The following FANCC variants were observed in gnomAD, a reference collection of about 807,000 sequenced individuals.
The protein encoded by FANCC is FA complementation group C.
A neutral mutation model predicts 71.3 loss-of-function variants in FANCC; 55 were observed. The ratio of observed to expected loss-of-function variants is 0.77; its 90% CI spans 0.62 to 0.97. The LOEUF is 0.97. FANCC is among the 50% of genes least tolerant of loss of function. The probability of loss-of-function intolerance (pLI) is 0.00; values close to 1 mark genes in which losing one functional copy is unlikely to be tolerated. For synonymous variants in FANCC, 275 were observed against 244.9 expected (o/e 1.12, Z -1.15); for missense variants, 678 against 670.9 (o/e 1.01, Z -0.12).
Position 95,137,982 on chromosome 9 carries a change from C to T in FANCC, c.687-2480G>A, listed in dbSNP as rs568704453. ...CGGTAACGGGAGTGATCCCAGGCGG[C>T]GGCCCAGAGGTGGGGCCTAGTGTGC... On this transcript the variant is annotated intron_variant, in intron 7 of 14. Transcript: ENST00000289081. 3.0e-4 allele frequency among the ~76,000 whole-genome samples: 45 copies of T among 152,356 alleles called. 1 individual carries two copies. In the East Asian group the frequency reaches 4.1e-3, roughly 14 times the overall value.
intron 1 of FANCC, among the ~76,000 whole-genome samples, chr9:95,302,805 A>G (rs995365207): frequency 2.6e-5 from 4 of 152,228 alleles, no homozygotes; most frequent in African/African-American, 9.6e-5. Context: ...GGGGTAAAAA[A>G]CAGCTCTTCT....
intron 6 of FANCC, among the ~76,000 whole-genome samples, chr9:95,156,500 A>C (rs1830467868): frequency 6.6e-6 from 1 of 151,812 alleles, no homozygotes; most frequent in East Asian, 1.9e-4. Flanking sequence ...GAGCCCTTAT[A>C]TATAGTTTTT....
At chr9:95,108,829 C>T (rs1441712426) in intron 13 of FANCC, among the ~76,000 whole-genome samples, 2 of 152,004 alleles carry the variant, frequency 1.3e-5, no homozygotes, top group Non-Finnish European at 2.9e-5. Context: ...CACATAATGC[C>T]TTGTATCTTT....
chr9:95,156,783 G>T (rs759700594), intron 6 of FANCC, among the ~76,000 whole-genome samples: 1 of 152,114 alleles, frequency 6.6e-6, no homozygotes, highest in African/African-American at 2.4e-5. Flanking sequence ...CTGACACCAT[G>T]ATAACCTTTG....
At chr9:95,250,637 T>A (rs977489110) in intron 1 of FANCC, among the ~76,000 whole-genome samples, 3 of 152,248 alleles carry the variant, frequency 2.0e-5, no homozygotes, top group Non-Finnish European at 4.4e-5. Context: ...AAAATCTAGA[T>A]AATGTCCATG....
At chr9:95,275,069 T>C (rs1370314254) in intron 1 of FANCC, among the ~76,000 whole-genome samples, 4 of 145,192 alleles carry the variant, frequency 2.8e-5, no homozygotes, top group Non-Finnish European at 6.0e-5. Flanking sequence ...CCCAGGAGTT[T>C]GACACCAGCC....
intron 7 of FANCC, among the ~76,000 whole-genome samples, chr9:95,142,270 G>C (rs1828873163): frequency 6.6e-6 from 1 of 152,042 alleles, no homozygotes; most frequent in Admixed American, 6.6e-5. Flanking sequence ...TGGGATTACA[G>C]GTGTGAGCCA....
At chr9:95,114,907 A>G (rs1447632912) in intron 11 of FANCC, among the ~76,000 whole-genome samples, 197 bp from the exon 12 acceptor site, 1 of 152,134 alleles carries the variant, frequency 6.6e-6, no homozygotes, top group Non-Finnish European at 1.5e-5. Context: ...TCCATGTCAC[A>G]CAGAGTTGAA....
chr9:95,229,283 G>T (rs920067696), intron 4 of FANCC, among the ~76,000 whole-genome samples: 2 of 143,918 alleles, frequency 1.4e-5, no homozygotes, highest in African/African-American at 5.2e-5. Flanking sequence ...GAGCGACAGG[G>T]TGAGATTCCT....
At chr9:95,171,236 A>T (rs1270265407) in intron 5 of FANCC, 93 bp from the exon 6 acceptor site, 5 of 941,900 alleles carry the variant, frequency 5.3e-6, no homozygotes, top group Non-Finnish European at 8.6e-6. Context: ...TTCCGTTGAG[A>T]TTCCCCCAAC....
At chr9:95,216,132 A>G (rs2135906952) in intron 4 of FANCC, among the ~76,000 whole-genome samples, 1 of 152,358 alleles carries the variant, frequency 6.6e-6, no homozygotes, top group East Asian at 1.9e-4. Flanking sequence ...AAGTAAGTTA[A>G]AAGTAAAAGG....
rs1254958706 is a variant in FANCC, at chr9:95,106,745, A to G, written c.1533+321T>C. Among the ~76,000 whole-genome samples the G allele has an allele frequency of 2.0e-5, 3 of 152,170 alleles. No homozygotes were observed. In the East Asian group the frequency reaches 5.8e-4, roughly 29 times the overall value. Reference sequence around the variant, plus strand: ...CTTACTTCTTTCCATGAGGAGGAGGAGAGCAGCACACTGCGATGGAAAGAA... The same window carrying G: ...CTTACTTCTTTCCATGAGGAGGAGGGGAGCAGCACACTGCGATGGAAAGAA... On this transcript the variant is annotated intron_variant, in intron 14 of 14. Transcript: ENST00000289081.
chr9:95,123,423 T>C lies in FANCC; in HGVS notation c.996+1663A>G. ...GGGAGGCCAAGGTGGGAAGATTGCTTGAGCCTCAGAGGTTGAGACCAGCCC... is the reference window on the plus strand; with the variant it reads ...GGGAGGCCAAGGTGGGAAGATTGCTCGAGCCTCAGAGGTTGAGACCAGCCC... On this transcript the variant is annotated intron_variant, in intron 10 of 14. Coordinates refer to ENST00000289081, the MANE Select transcript of FANCC (RefSeq NM_000136.3). 4.4e-6 allele frequency: 2 copies of C among 456,464 alleles called. 1 individual carries two copies. The highest frequency in any genetic ancestry group is 6.6e-4 in the Middle Eastern group (2 of 3,008). The allele number at this position is 456,464 out of a possible 1,614,324, so 28.3% of individuals were successfully genotyped here.
rs1338942330 is a variant in FANCC at position 95,278,981 on chromosome 9, T to A, written c.-78-29612A>T. Reference sequence around the variant, plus strand: ...CAGAAGGATCACTTGAGCCCAGGAGTTTGAGACTGGCCTGGGCAACAAAAA... The same window carrying A: ...CAGAAGGATCACTTGAGCCCAGGAGATTGAGACTGGCCTGGGCAACAAAAA... On this transcript the variant is annotated intron_variant, in intron 1 of 14. Transcript: ENST00000289081. Among the ~76,000 whole-genome samples the A allele has an allele frequency of 5.4e-5, 8 of 149,490 alleles. No homozygotes were observed. In the South Asian group the frequency reaches 1.7e-3, roughly 32 times the overall value.
At chr9:95,137,472 C>T (rs916066087) in intron 7 of FANCC, among the ~76,000 whole-genome samples, 4 of 152,076 alleles carry the variant, frequency 2.6e-5, no homozygotes, top group Non-Finnish European at 5.9e-5. Flanking sequence ...CGGCAGGCCC[C>T]GTTCCTCATC....
chr9:95,144,688 G>A (rs1016826071), intron 7 of FANCC, among the ~76,000 whole-genome samples: 5 of 152,238 alleles, frequency 3.3e-5, no homozygotes, highest in Non-Finnish European at 7.3e-5. Flanking sequence ...CAAGAAGGGA[G>A]CTGCCACAGT....
At chr9:95,230,588 C>A (rs930606427) in intron 4 of FANCC, among the ~76,000 whole-genome samples, 5 of 152,052 alleles carry the variant, frequency 3.3e-5, no homozygotes, top group African/African-American at 1.2e-4. Flanking sequence ...GGAGTTTCTT[C>A]CTTATGGTGG....
At chr9:95,279,671 G>C (rs1833259623) in intron 1 of FANCC, among the ~76,000 whole-genome samples, 1 of 152,104 alleles carries the variant, frequency 6.6e-6, no homozygotes, top group African/African-American at 2.4e-5. Context: ...CATCAGGCTG[G>C]ACACGGTGGC....
At chr9:95,174,643 T>C (rs776108158) in intron 4 of FANCC, among the ~76,000 whole-genome samples, 3 of 152,198 alleles carry the variant, frequency 2.0e-5, no homozygotes, top group Non-Finnish European at 4.4e-5. Flanking sequence ...AAAAGTTTTA[T>C]TTGGAAATAT....
Sources: gnomAD v4.1 joint callset for allele counts (sites outside exome capture counted in the v4.1 genomes callset) on GRCh38, gnomAD v4.1.1 for gene constraint, MANE v1.5 for transcripts, NCBI Gene and HGNC (gene_info 2026-07-23, HGNC 2026-07-21) for gene names.